Variants in PRP4K observed in about 807,000 individuals in gnomAD.
PRP4K encodes serine/threonine-protein kinase PRP4 homolog.
At chr6:4,058,365 G>T in the PRP4K span, among the ~76,000 whole-genome samples, 1 of 152,142 alleles carries the variant, frequency 6.6e-6, no homozygotes, top group African/African-American at 2.4e-5. Context: ...TAGTAAAGTG[G>T]CATTAGGTTC....
chr6:4,036,290 C>G, the PRP4K span, among the ~76,000 whole-genome samples: 1 of 152,076 alleles, frequency 6.6e-6, no homozygotes, highest in East Asian at 1.9e-4. Flanking sequence ...GGCATGATCT[C>G]TGCTCACTGC....
chr6:4,021,374 T>C, the PRP4K span: 1 of 1,554,482 alleles, frequency 6.4e-7, no homozygotes, highest in African/African-American at 1.4e-5. Context: ...TCCCCTACCC[T>C]CCACCGTCCG....
At chr6:4,028,549 T>C in the PRP4K span, among the ~76,000 whole-genome samples, 3 of 152,102 alleles carry the variant, frequency 2.0e-5, no homozygotes, top group African/African-American at 7.2e-5. Flanking sequence ...TTTTTCCAAG[T>C]CTTTGAGAAA....
At chr6:4,051,892 C>A in the PRP4K span, 1 of 1,095,430 alleles carries the variant, frequency 9.1e-7, no homozygotes, top group Non-Finnish European at 1.3e-6. Context: ...CTAGCAAATA[C>A]ATTATTTAGT....
chr6:4,044,738 G>A, the PRP4K span, among the ~76,000 whole-genome samples: 1 of 152,020 alleles, frequency 6.6e-6, no homozygotes, highest in African/African-American at 2.4e-5. Context: ...TTGTCTAAGA[G>A]GTTAGATAGT....
chr6:4,033,339 G>C, the PRP4K span, among the ~76,000 whole-genome samples: 1 of 152,046 alleles, frequency 6.6e-6, no homozygotes, highest in African/African-American at 2.4e-5. Flanking sequence ...AAGAAGAATA[G>C]TATATGAAAT....
At chr6:4,058,915 A>T in the PRP4K span, 1 of 907,684 alleles carries the variant, frequency 1.1e-6, no homozygotes, top group South Asian at 1.8e-5. Flanking sequence ...ACCCAAAAGT[A>T]AGTATTTCCT....
At chr6:4,061,869 A>G in the PRP4K span, 1 of 152,644 alleles carries the variant, frequency 6.6e-6, no homozygotes, top group Non-Finnish European at 1.5e-5. Context: ...TGTTCTCAGT[A>G]TGCATCACTA....
At chr6:4,052,150 A>G in the PRP4K span, 15 of 1,464,172 alleles carry the variant, frequency 1.0e-5, no homozygotes, top group East Asian at 2.2e-4. Context: ...CATCTTTACG[A>G]TCTCATTTTG....
chr6:4,038,431 C>G, the PRP4K span, among the ~76,000 whole-genome samples: 1 of 151,588 alleles, frequency 6.6e-6, no homozygotes, highest in Admixed American at 6.6e-5. Context: ...CTAGAGGTGC[C>G]CATGCCACCA....
the PRP4K span, chr6:4,031,826 A>C: frequency 6.2e-7 from 1 of 1,614,072 alleles, no homozygotes; most frequent in Non-Finnish European, 8.5e-7. Context: ...TTGATGATTT[A>C]GCTTTGCTAG....
chr6:4,032,904 A>G, the PRP4K span: 16 of 946,138 alleles, frequency 1.7e-5, no homozygotes, highest in South Asian at 6.9e-5. Flanking sequence ...AAGTAACCCA[A>G]TCCATTAACC....
the PRP4K span, chr6:4,037,647 TC>T: frequency 7.2e-7 from 1 of 1,387,266 alleles, no homozygotes; most frequent in Non-Finnish European, 9.7e-7. Flanking sequence ...TGGTAGGTTT[TC>T]TTTTAGACCA....
chr6:4,057,271 C>CTA, the PRP4K span: 1 of 1,418,936 alleles, frequency 7.0e-7, no homozygotes. Context: ...CACTAGTGAG[C>CTA]TATAAAACAA....
chr6:4,041,422 G>A, the PRP4K span, among the ~76,000 whole-genome samples: 1 of 152,150 alleles, frequency 6.6e-6, no homozygotes, highest in Admixed American at 6.6e-5. Flanking sequence ...AATTAGCCAG[G>A]CCTGGTGGCA....
the PRP4K span, chr6:4,037,363 A>G: frequency 2.0e-6 from 3 of 1,505,244 alleles, no homozygotes; most frequent in Admixed American, 2.2e-5. Context: ...ACTTTGATTT[A>G]TATTTCTTTT....
chr6:4,049,123 T>A, the PRP4K span: 1 of 1,585,092 alleles, frequency 6.3e-7, no homozygotes, highest in South Asian at 1.1e-5. Flanking sequence ...TCACATTTTA[T>A]ATTAACTTTA....
At chr6:4,032,507 T>A in the PRP4K span, 1 of 1,613,844 alleles carries the variant, frequency 6.2e-7, no homozygotes, top group Admixed American at 1.7e-5. Flanking sequence ...AATCTCCCTC[T>A]AAAGATGCTT....
the PRP4K span, chr6:4,057,045 A>C: frequency 6.4e-7 from 1 of 1,571,788 alleles, no homozygotes; most frequent in Admixed American, 2.1e-5. Flanking sequence ...GTTATAGGTA[A>C]AAGCTATGAC....
Sources: gnomAD v4.1 joint callset for allele counts (sites outside exome capture counted in the v4.1 genomes callset) on GRCh38, gnomAD v4.1.1 for gene constraint, MANE v1.5 for transcripts, NCBI Gene and HGNC (gene_info 2026-07-23, HGNC 2026-07-21) for gene names.